The following STAG1 variants were observed in gnomAD, a reference collection of about 807,000 sequenced individuals.
The protein encoded by STAG1 is STAG1 cohesin complex component.
Under a neutral mutation model 170.9 loss-of-function variants are expected in STAG1, and 26 were observed. The ratio of observed to expected loss-of-function variants is 0.15; its 90% CI spans 0.11 to 0.21. The LOEUF (loss-of-function observed/expected upper bound fraction) is 0.21, where lower values mean the gene tolerates loss of function less well. STAG1 is among the 10% of genes least tolerant of loss of function. STAG1 has a pLI of 1.00. For missense variants in STAG1, 964 were observed against 1,509.5 expected (o/e 0.64, Z 5.99); for synonymous variants, 514 against 497.7 (o/e 1.03, Z -0.44).
At chr3:136,477,223 G>C (rs2089775590) in intron 10 of STAG1, 66 bp downstream of exon 10, 2 of 1,492,104 alleles carry the variant, frequency 1.3e-6, no homozygotes, top group Non-Finnish European at 1.8e-6. Flanking sequence ...CTGTCATTTT[G>C]ATTCCCAGCA....
At chr3:136,689,813 G>A (rs1942660228) in intron 1 of STAG1, among the ~76,000 whole-genome samples, 1 of 151,944 alleles carries the variant, frequency 6.6e-6, no homozygotes, top group Admixed American at 6.6e-5. Context: ...AGCCAAGGTG[G>A]GCGGATCATA....
chr3:136,531,224 C>A (rs569503733), intron 6 of STAG1, among the ~76,000 whole-genome samples: 7 of 150,584 alleles, frequency 4.6e-5, no homozygotes, highest in South Asian at 4.2e-4. Context: ...CATCTCACAC[C>A]AGTTAGAATG....
rs143210631 is a variant in STAG1, at chr3:136,371,951, C to A, written c.2371-2669G>T. 2.1e-4 allele frequency among the ~76,000 whole-genome samples: 32 copies of A among 152,138 alleles called. No homozygotes were observed. The South Asian group carries it at 5.8e-3, about 28-fold the overall frequency. On this transcript the variant is annotated intron_variant, in intron 23 of 33. Transcript: ENST00000383202. ...AATCTATAAATTACCCTGGGCAGTA[C>A]GGCCATTTTCACGATATTGATTCTT...
At chr3:136,728,959 G>T (rs1054191732) in intron 1 of STAG1, among the ~76,000 whole-genome samples, 1 of 152,188 alleles carries the variant, frequency 6.6e-6, no homozygotes, top group East Asian at 1.9e-4. Context: ...GGATGGGAAA[G>T]AGAGACAGTC....
chr3:136,467,544 C>A (rs2089500266), intron 12 of STAG1, among the ~76,000 whole-genome samples: 1 of 152,036 alleles, frequency 6.6e-6, no homozygotes, highest in African/African-American at 2.4e-5. Flanking sequence ...AGTTAGACTC[C>A]CACACAATAA....
In STAG1 at chr3:136,344,039, G is replaced by A. The variant is rs765397139; in HGVS notation, c.3272-33C>T. On this transcript the variant is annotated intron_variant, in intron 29 of 33. Coordinates refer to ENST00000383202, the MANE Select transcript of STAG1 (RefSeq NM_005862.3). Reference sequence around the variant, plus strand: ...ATTCCAGTTAAGGTCACACAATGTCGTGGGTGGAGTGAACTCTGGTAGCAG... The same window carrying A: ...ATTCCAGTTAAGGTCACACAATGTCATGGGTGGAGTGAACTCTGGTAGCAG... The A allele has an allele frequency of 1.3e-5, 20 of 1,494,208 alleles. 1 individual carries two copies. Among genetic ancestry groups the A allele is most frequent in the South Asian group, 5.5e-5 (4 of 72,628 alleles). The allele number at this position is 1,494,208 out of a possible 1,614,324, so 92.6% of individuals were successfully genotyped here.
intron 1 of STAG1, among the ~76,000 whole-genome samples, chr3:136,714,925 AATATATATATTAAATATATAT>A (rs2107922582): frequency 9.2e-6 from 1 of 108,290 alleles, no homozygotes; most frequent in African/African-American, 4.1e-5. Context: ...AAAAAAAACA[AATATATATATTAAATATATAT>A]ATATATATAT....
intron 21 of STAG1, among the ~76,000 whole-genome samples, chr3:136,416,868 C>CA (rs2087791145): frequency 2.3e-5 from 3 of 129,636 alleles, no homozygotes; most frequent in Non-Finnish European, 3.1e-5. Context: ...TTTTTTGAGA[C>CA]AGAGTCTCAC....
At chr3:136,665,416 T>C (rs1423202726) in intron 1 of STAG1, among the ~76,000 whole-genome samples, 1 of 152,158 alleles carries the variant, frequency 6.6e-6, no homozygotes, top group Non-Finnish European at 1.5e-5. Context: ...GCGTTAGGGT[T>C]ACAGACTTTA....
intron 8 of STAG1, among the ~76,000 whole-genome samples, chr3:136,502,182 A>C (rs1030205340): frequency 3.3e-5 from 5 of 151,578 alleles, no homozygotes; most frequent in African/African-American, 9.7e-5. Context: ...CCATCCCCCA[A>C]AAAAAAAACA....
At chr3:136,438,295 A>G (rs2088517671) in intron 15 of STAG1, among the ~76,000 whole-genome samples, 2 of 140,724 alleles carry the variant, frequency 1.4e-5, no homozygotes, top group Non-Finnish European at 1.5e-5. Context: ...ACTGGAGTGC[A>G]GTGGCATGAT....
rs369133470 is a variant in STAG1 at position 136,367,099 on chromosome 3, A to C, written c.2546-17T>G. The C allele has an allele frequency of 3.2e-6, 5 of 1,580,364 alleles. No individual in the cohort carries two copies. Among genetic ancestry groups the C allele is most frequent in the African/African-American group, 1.3e-5 (1 of 74,116 alleles). On this transcript the variant is annotated splice_polypyrimidine_tract_variant and intron_variant, in intron 24 of 33. Transcript: ENST00000383202. ...CATCACCCTCTAAACACAGATTACA[A>C]ATTGGTTATGAATTCTGGTACTTTA...
chr3:136,503,799 AATCTTGGCTT>A, intron 7 of STAG1, among the ~76,000 whole-genome samples: 1 of 151,658 alleles, frequency 6.6e-6, no homozygotes, highest in Admixed American at 6.6e-5. Flanking sequence ...GCAATGGCGC[AATCTTGGCTT>A]ACTGCAACCT....
At position 136,739,702 on chromosome 3, in the gene STAG1, T is replaced by C. The variant is rs7610913; in HGVS notation, c.-84+12493A>G. Among the ~76,000 whole-genome samples, 257 of 151,836 alleles carry C rather than the reference T, an allele frequency of 1.7e-3. 1 individual carries two copies. The highest frequency in any genetic ancestry group is 5.9e-3 in the African/African-American group (244 of 41,386). ...AGCCAGATGTGGTGGCAGGCACCTG[T>C]AGTCCCAGCTACTCGAGAGGCTGAG... On this transcript the variant is annotated intron_variant, in intron 1 of 33. Transcript: ENST00000383202.
intron 19 of STAG1, among the ~76,000 whole-genome samples, chr3:136,421,766 C>G (rs60201411): frequency 6.6e-6 from 1 of 152,124 alleles, no homozygotes; most frequent in African/African-American, 2.4e-5. Context: ...TTTGTACGCT[C>G]TATTCATTAG....
At chr3:136,569,723 ATAACT>A (rs1028161780) in intron 4 of STAG1, among the ~76,000 whole-genome samples, 3 of 152,124 alleles carry the variant, frequency 2.0e-5, no homozygotes, top group Admixed American at 6.5e-5. Flanking sequence ...AATATACAAA[ATAACT>A]TAATAGTGCA....
At chr3:136,465,497 A>G (rs1296017997) in intron 12 of STAG1, among the ~76,000 whole-genome samples, 4 of 131,584 alleles carry the variant, frequency 3.0e-5, no homozygotes, top group Non-Finnish European at 4.7e-5. Context: ...CTGGGATTAT[A>G]GGTGTGAGTC....
At chr3:136,508,999 C>T (rs1933917750) in intron 7 of STAG1, among the ~76,000 whole-genome samples, 1 of 152,148 alleles carries the variant, frequency 6.6e-6, no homozygotes, top group Non-Finnish European at 1.5e-5. Flanking sequence ...AAGATGGGAG[C>T]TATTAGCAAA....
chr3:136,569,611 C>T (rs1033883495), intron 4 of STAG1, among the ~76,000 whole-genome samples: 10 of 151,904 alleles, frequency 6.6e-5, no homozygotes, highest in African/African-American at 1.7e-4. Flanking sequence ...TTAGTAAAGA[C>T]AATTCTCCTT....
Sources: allele counts gnomAD v4.1 joint callset (sites outside exome capture counted in the v4.1 genomes callset), GRCh38; gene constraint gnomAD v4.1.1; transcripts MANE v1.5; gene names NCBI Gene and HGNC (gene_info 2026-07-23, HGNC 2026-07-21).